Variants in GRID2 observed in about 807,000 individuals in gnomAD.
GRID2 encodes glutamate ionotropic receptor delta type subunit 2.
Under a neutral mutation model 114.8 loss-of-function variants are expected in GRID2, and 33 were observed. The observed-to-expected ratio is 0.29, with a 90% CI of 0.22 to 0.38. The LOEUF is 0.38. GRID2 is among the 10% of genes least tolerant of loss of function. GRID2 has a pLI of 1.00. For missense variants in GRID2, 1,184 were observed against 1,257.7 expected (o/e 0.94, Z 0.89); for synonymous variants, 505 against 449.9 (o/e 1.12, Z -1.55).
intron 14 of GRID2, among the ~76,000 whole-genome samples, chr4:93,663,671 C>A (rs1179080218): frequency 2.0e-5 from 3 of 152,068 alleles, no homozygotes; most frequent in Non-Finnish European, 4.4e-5. Context: ...AGTCTATGGG[C>A]CAGATATACA....
chr4:92,850,048 G>A (rs1379962092), intron 2 of GRID2, among the ~76,000 whole-genome samples: 2 of 151,142 alleles, frequency 1.3e-5, no homozygotes, highest in South Asian at 2.1e-4. Flanking sequence ...TCAGAACATT[G>A]TGTGTTTTTC....
intron 1 of GRID2, among the ~76,000 whole-genome samples, chr4:92,466,092 A>G (rs557732377): frequency 6.6e-6 from 1 of 151,888 alleles, no homozygotes; most frequent in East Asian, 1.9e-4. Flanking sequence ...AAGTAATTGC[A>G]GTTTTTGCAA....
chr4:93,353,645 A>G lies in GRID2; in HGVS notation c.1246-41962A>G, dbSNP rs1012242297. Among the ~76,000 whole-genome samples, 5 of 152,176 alleles carry G rather than the reference A, an allele frequency of 3.3e-5. No homozygotes were observed. The East Asian group carries it at 9.7e-4, about 29-fold the overall frequency. ...TAAGTAAGAATGATAATGGAAGAAT[A>G]ATATAGACACCTAAAAAAATTGACA... is the stretch of plus-strand genomic sequence containing the variant. On this transcript the variant is annotated intron_variant, in intron 8 of 15. Coordinates refer to ENST00000282020, the MANE Select transcript of GRID2 (RefSeq NM_001510.4).
intron 13 of GRID2, among the ~76,000 whole-genome samples, chr4:93,573,305 C>G (rs1328771746): frequency 6.6e-6 from 1 of 152,106 alleles, no homozygotes; most frequent in East Asian, 1.9e-4. Context: ...TATTTCCCTG[C>G]TATTTAAAAC....
At chr4:93,116,116 A>G (rs150865179) in intron 4 of GRID2, among the ~76,000 whole-genome samples, 53 of 152,326 alleles carry the variant, frequency 3.5e-4, no homozygotes, top group African/African-American at 1.2e-3. Flanking sequence ...TACTAGTTAT[A>G]GCACAATTTT....
intron 2 of GRID2, among the ~76,000 whole-genome samples, chr4:92,879,986 C>T (rs1003955651): frequency 3.3e-5 from 5 of 152,006 alleles, no homozygotes; most frequent in South Asian, 2.1e-4. Context: ...TTTTTTTTAC[C>T]AAACAGAAAG....
chr4:92,784,206 A>T (rs1739216084), intron 2 of GRID2, among the ~76,000 whole-genome samples: 1 of 151,988 alleles, frequency 6.6e-6, no homozygotes, highest in Non-Finnish European at 1.5e-5. Context: ...CTTCTATATC[A>T]TGTAAATATA....
intron 2 of GRID2, among the ~76,000 whole-genome samples, chr4:92,782,256 C>T (rs530347098): frequency 6.6e-6 from 1 of 152,098 alleles, no homozygotes; most frequent in East Asian, 1.9e-4. Flanking sequence ...ACTTTGAGAG[C>T]TCTCCTAATT....
intron 14 of GRID2, among the ~76,000 whole-genome samples, 175 bp downstream of exon 14, chr4:93,626,610 A>G (rs1488135354): frequency 6.6e-6 from 1 of 152,220 alleles, no homozygotes; most frequent in African/African-American, 2.4e-5. Flanking sequence ...CTCATTACCT[A>G]AAACATGAAG....
chr4:93,507,588 T>C (rs1220905542), intron 12 of GRID2, among the ~76,000 whole-genome samples: 1 of 152,178 alleles, frequency 6.6e-6, no homozygotes, highest in African/African-American at 2.4e-5. Flanking sequence ...TTATAAGCAT[T>C]TCAATTAAGC....
chr4:93,280,426 G>A (rs1464030467), intron 8 of GRID2, among the ~76,000 whole-genome samples: 2 of 152,010 alleles, frequency 1.3e-5, no homozygotes, highest in Non-Finnish European at 2.9e-5. Context: ...GTTGAATTAT[G>A]AAACTGATAG....
At chr4:93,710,196 G>T (rs945947393) in intron 14 of GRID2, among the ~76,000 whole-genome samples, 11 of 152,102 alleles carry the variant, frequency 7.2e-5, no homozygotes, top group Non-Finnish European at 1.5e-4. Flanking sequence ...GGGCTTGTTT[G>T]TACCCCTCTT....
At chr4:93,115,348 G>C (rs910334790) in intron 4 of GRID2, among the ~76,000 whole-genome samples, 4 of 150,722 alleles carry the variant, frequency 2.7e-5, no homozygotes, top group African/African-American at 9.8e-5. Flanking sequence ...AAACACCTGA[G>C]TTCCTTTTCA....
chr4:92,366,653 T>A (rs538455838), intron 1 of GRID2, among the ~76,000 whole-genome samples: 1 of 151,916 alleles, frequency 6.6e-6, no homozygotes, highest in South Asian at 2.1e-4. Flanking sequence ...AGAAATCAAA[T>A]CACCACATAG....
At chr4:93,055,640 G>T (rs1727155214) in intron 2 of GRID2, among the ~76,000 whole-genome samples, 1 of 151,708 alleles carries the variant, frequency 6.6e-6, no homozygotes, top group African/African-American at 2.4e-5. Context: ...TAATACATTT[G>T]ACTTAAAACA....
intron 3 of GRID2, among the ~76,000 whole-genome samples, chr4:93,086,726 A>C (rs953965984): frequency 5.3e-5 from 8 of 152,308 alleles, no homozygotes; most frequent in African/African-American, 1.9e-4. Context: ...GGATATTAAA[A>C]ATAATTGGCT....
Position 93,455,704 on chromosome 4 carries a change from C to T in GRID2, c.1588C>T (p.Arg530Cys), listed in dbSNP as rs749223378. 4.3e-6 allele frequency: 7 copies of T among 1,612,712 alleles called. No homozygotes were observed. Among genetic ancestry groups the T allele is most frequent in the East Asian group, 4.5e-5 (2 of 44,846 alleles). Residue 530 changes from arginine (R) to cysteine (C), a missense_variant, in exon 11 of 16, where the codon CGT becomes TGT. Physicochemically the swap from Arg to Cys is radical, Grantham distance 180 (BLOSUM62 -3). This residue lies in a region of GRID2 where 717 missense variants were observed against 796.9 expected (regional missense o/e 0.90). Coordinates refer to ENST00000282020, the MANE Select transcript of GRID2 (RefSeq NM_001510.4). ...GISALTITPD[R>C]ENVVDFTTRY... The stretch of plus-strand genomic sequence containing the variant: ...TTCTGCTTTAACCATCACTCCAGAT[C>T]GTGAAAATGTGGTGGACTTTACGAC...
At chr4:93,023,315 C>A (rs923578673) in intron 2 of GRID2, among the ~76,000 whole-genome samples, 3 of 151,586 alleles carry the variant, frequency 2.0e-5, no homozygotes, top group Non-Finnish European at 2.9e-5. Flanking sequence ...GAAAAAAAAT[C>A]TGTAGTGAAA....
chr4:93,450,121 T>C (rs2149403882), intron 10 of GRID2, among the ~76,000 whole-genome samples: 1 of 152,006 alleles, frequency 6.6e-6, no homozygotes, highest in Non-Finnish European at 1.5e-5. Context: ...TTTATATCAA[T>C]TGAGGAAACT....
Sources: allele counts gnomAD v4.1 joint callset (sites outside exome capture counted in the v4.1 genomes callset), GRCh38; gene constraint gnomAD v4.1.1; regional missense constraint gnomAD v4.1.1; transcripts MANE v1.5; gene names NCBI Gene and HGNC (gene_info 2026-07-23, HGNC 2026-07-21).